ARHGEF4: variants seen among roughly 807,000 people sequenced by gnomAD.
ARHGEF4 encodes the protein Rho guanine nucleotide exchange factor 4.
A neutral mutation model predicts 162.0 loss-of-function variants in ARHGEF4; 119 were observed. The observed-to-expected ratio is 0.73, with a 90% CI of 0.63 to 0.86. ARHGEF4 has a LOEUF of 0.86. ARHGEF4 is among the 40% of genes least tolerant of loss of function. The pLI is 0.00. For synonymous variants in ARHGEF4, 1,014 were observed against 979.9 expected (o/e 1.03, Z -0.65); for missense variants, 2,488 against 2,456.0 (o/e 1.01, Z -0.28).
intron 1 of ARHGEF4, among the ~76,000 whole-genome samples, chr2:130,899,836 TG>T (rs1276130986): frequency 1.3e-5 from 2 of 152,232 alleles, no homozygotes; most frequent in Non-Finnish European, 2.9e-5. Flanking sequence ...CTTGGATGAC[TG>T]TTCACAGAGA....
intron 1 of ARHGEF4, among the ~76,000 whole-genome samples, chr2:130,855,124 C>T (rs1559002855): frequency 6.6e-6 from 1 of 152,094 alleles, no homozygotes; most frequent in South Asian, 2.1e-4. Context: ...ATCCGCCTGC[C>T]TCGGCCTCCC....
chr2:130,956,216 A>G (rs1684264547), intron 4 of ARHGEF4, among the ~76,000 whole-genome samples: 1 of 152,242 alleles, frequency 6.6e-6, no homozygotes, highest in Non-Finnish European at 1.5e-5. Context: ...GACACATGAA[A>G]AAATGCTCAT....
rs531922593 is a variant in ARHGEF4 at position 130,916,504 on chromosome 2, C to G, written c.2558C>G (p.Ala853Gly). Residue 853 changes from alanine (A) to glycine (G), a missense_variant, in exon 2 of 14, where the codon GCC (alanine) becomes GGC (glycine). Ala to Gly is a moderately conservative substitution (Grantham distance 60). Around this residue, in one of 6 missense-constraint regions of ARHGEF4, gnomAD observed 1,642 missense variants for 1,481.5 expected, o/e 1.11. Coordinates refer to ENST00000409359, the MANE Select transcript of ARHGEF4 (RefSeq NM_001367493.1). ...GCACCGCCTCTGCACCACGGGGACG[C>G]CAGCGCCTGGCCCGAGTTTGTCCCG... is the stretch of plus-strand genomic sequence containing the variant. ...RDAPPLHHGD[A>G]SAWPEFVPQA... is the part of the protein sequence containing the mutation. The G allele has an allele frequency of 9.0e-5, 140 of 1,548,414 alleles. No homozygotes were observed. In the African/African-American group the frequency reaches 1.7e-3, roughly 19 times the overall value.
At chr2:130,904,704 T>C (rs1184257150) in intron 1 of ARHGEF4, among the ~76,000 whole-genome samples, 1 of 152,154 alleles carries the variant, frequency 6.6e-6, no homozygotes, top group Non-Finnish European at 1.5e-5. Context: ...AGCCCAACTT[T>C]TTTGCAAATA....
chr2:130,983,652 A>T lies in ARHGEF4; in HGVS notation c.3985+37017A>T, dbSNP rs180768160. Among the ~76,000 whole-genome samples, 48 of 151,692 alleles carry T rather than the reference A, an allele frequency of 3.2e-4. No individual in the cohort carries two copies. The East Asian group carries it at 9.1e-3, about 29-fold the overall frequency. On this transcript the variant is annotated intron_variant, in intron 4 of 13. Transcript: ENST00000409359. ...TATTTATTTTTATTTTATTTTATTT[A>T]TTTAATTTTTTTTTTGAGATGGAGT... is the stretch of plus-strand genomic sequence containing the variant.
intron 4 of ARHGEF4, among the ~76,000 whole-genome samples, chr2:131,012,713 C>T (rs534003413): frequency 6.6e-5 from 10 of 152,216 alleles, no homozygotes; most frequent in Middle Eastern, 3.4e-3. Context: ...CCTGAGCAGC[C>T]GGGATTACAG....
chr2:130,935,187 C>T (rs1460556966), intron 3 of ARHGEF4, among the ~76,000 whole-genome samples: 1 of 150,620 alleles, frequency 6.6e-6, no homozygotes, highest in African/African-American at 2.4e-5. Context: ...TATTTAGAGA[C>T]TGAGTTATGG....
At chr2:130,985,186 C>T (rs952618855) in intron 4 of ARHGEF4, among the ~76,000 whole-genome samples, 4 of 152,100 alleles carry the variant, frequency 2.6e-5, no homozygotes, top group South Asian at 2.1e-4. Context: ...GGAATGCAGT[C>T]GGGGCCAGCT....
chr2:130,881,921 C>T (rs1003076971), intron 1 of ARHGEF4, among the ~76,000 whole-genome samples: 4 of 152,006 alleles, frequency 2.6e-5, no homozygotes, highest in African/African-American at 9.7e-5. Context: ...AAAACAGGTA[C>T]CCCCTCTCTA....
intron 4 of ARHGEF4, among the ~76,000 whole-genome samples, chr2:130,966,852 G>A (rs1180365835): frequency 3.9e-5 from 6 of 152,174 alleles, no homozygotes; most frequent in Admixed American, 3.9e-4. Flanking sequence ...TCTAGTCAGG[G>A]GTATTGATCT....
intron 1 of ARHGEF4, among the ~76,000 whole-genome samples, chr2:130,851,351 A>G (rs943834773): frequency 6.6e-6 from 1 of 152,268 alleles, no homozygotes; most frequent in Non-Finnish European, 1.5e-5. Context: ...TCCATCAACC[A>G]TGCAGTGCTG....
Position 131,031,644 on chromosome 2 carries a change from G to A in ARHGEF4, c.4125+3560G>A, listed in dbSNP as rs761626564. Among the ~76,000 whole-genome samples the A allele has an allele frequency of 1.1e-4, 16 of 152,176 alleles. No individual in the cohort carries two copies. The East Asian group carries it at 1.5e-3, about 15-fold the overall frequency. On this transcript the variant is annotated intron_variant, in intron 5 of 13. Transcript: ENST00000409359. ...TTGAGTTCCCTGTGCCCTGCCCCTC[G>A]TGAGTGTCCAGTCCCTGCCAGGCAA...
At chr2:130,937,636 G>A (rs1322114575) in intron 3 of ARHGEF4, among the ~76,000 whole-genome samples, 2 of 149,978 alleles carry the variant, frequency 1.3e-5, no homozygotes, top group Admixed American at 6.7e-5. Context: ...CTTTCCCTGA[G>A]TGGGCCATAC....
At chr2:130,887,984 A>T (rs1679623901) in intron 1 of ARHGEF4, among the ~76,000 whole-genome samples, 1 of 152,092 alleles carries the variant, frequency 6.6e-6, no homozygotes, top group Non-Finnish European at 1.5e-5. Flanking sequence ...TGGAAATGGG[A>T]GGAGGCAGGT....
intron 5 of ARHGEF4, 77 bp downstream of exon 5, chr2:131,028,161 C>A: frequency 6.4e-7 from 1 of 1,551,108 alleles, no homozygotes. Flanking sequence ...TAATGCAGGC[C>A]AGATGCCCAC....
At chr2:131,016,613 T>C (rs12466662) in intron 4 of ARHGEF4, among the ~76,000 whole-genome samples, 27,548 of 152,306 alleles carry the variant, frequency 0.18, 3,007 homozygotes, top group Non-Finnish European at 0.23. Flanking sequence ...GTACTCACTT[T>C]GTTAATGGCT....
intron 2 of ARHGEF4, among the ~76,000 whole-genome samples, chr2:130,926,359 T>G (rs1682288310): frequency 7.8e-6 from 1 of 127,402 alleles, no homozygotes; most frequent in Non-Finnish European, 1.9e-5. Context: ...TTAAAATCTT[T>G]GTTTGATAAT....
intron 3 of ARHGEF4, 32 bp from the exon 4 acceptor site, chr2:130,946,477 A>G (rs376078280): frequency 2.0e-4 from 312 of 1,586,678 alleles, no homozygotes; most frequent in Non-Finnish European, 2.5e-4. Context: ...TCTTTTCTTC[A>G]TTTGCCCTCT....
chr2:131,033,854 C>T (rs571610417), intron 5 of ARHGEF4, among the ~76,000 whole-genome samples: 2 of 152,254 alleles, frequency 1.3e-5, no homozygotes, highest in East Asian at 3.9e-4. Context: ...ACACGGGCAC[C>T]CACATGTTGT....
Sources: gnomAD v4.1 joint callset for allele counts (sites outside exome capture counted in the v4.1 genomes callset) on GRCh38, gnomAD v4.1.1 for gene constraint, gnomAD v4.1.1 regional missense constraint, MANE v1.5 for transcripts, NCBI Gene and HGNC (gene_info 2026-07-23, HGNC 2026-07-21) for gene names.